Variants in ST18 observed in about 807,000 individuals in gnomAD.
ST18 encodes suppression of tumorigenicity 18 protein.
ST18 carries 50 observed loss-of-function variants against 110.0 expected under a neutral mutation model. The observed-to-expected ratio is 0.45, with a 90% CI of 0.36 to 0.58. The LOEUF (loss-of-function observed/expected upper bound fraction) is 0.58. Ranked by LOEUF, ST18 falls within the 20% of genes least tolerant of loss-of-function variation. ST18 has a pLI of 0.00. For synonymous variants in ST18, 461 were observed against 452.4 expected (o/e 1.02, Z -0.24); for missense variants, 1,306 against 1,280.1 (o/e 1.02, Z -0.31).
At chr8:52,217,512 C>G (rs117741576) in intron 6 of ST18, among the ~76,000 whole-genome samples, 1,559 of 152,112 alleles carry the variant, frequency 0.01, 9 homozygotes, top group Middle Eastern at 0.045. Context: ...TCGAAAAGGG[C>G]TTAATGTCCC....
At chr8:52,218,727 C>T (rs1335455155) in intron 5 of ST18, among the ~76,000 whole-genome samples, 1 of 151,986 alleles carries the variant, frequency 6.6e-6, no homozygotes, top group African/African-American at 2.4e-5. Context: ...AAGTCCATCA[C>T]ACACATTCAA....
intron 15 of ST18, among the ~76,000 whole-genome samples, chr8:52,158,697 G>T (rs973141472): frequency 1.3e-5 from 2 of 152,184 alleles, no homozygotes; most frequent in Admixed American, 6.5e-5. Flanking sequence ...CACAGAGCAG[G>T]ATGTGCACAC....
chr8:52,252,627 A>G (rs2094367794), intron 2 of ST18, among the ~76,000 whole-genome samples: 1 of 152,064 alleles, frequency 6.6e-6, no homozygotes, highest in Admixed American at 6.6e-5. Context: ...CAAATTTAAA[A>G]TATAAAAGCT....
chr8:52,367,639 G>C (rs1828647521), intron 2 of ST18, among the ~76,000 whole-genome samples: 1 of 152,116 alleles, frequency 6.6e-6, no homozygotes. Flanking sequence ...CCCAAAAGGA[G>C]GGCAATGGTT....
intron 2 of ST18, among the ~76,000 whole-genome samples, chr8:52,381,973 AC>A (rs869081706): frequency 0.023 from 461 of 19,768 alleles, 3 homozygotes; most frequent in South Asian, 0.17. Context: ...GCATTAAAAA[AC>A]AAAAAAAAAC....
At chr8:52,165,895 T>C (rs2062819971) in intron 11 of ST18, among the ~76,000 whole-genome samples, 1 of 152,194 alleles carries the variant, frequency 6.6e-6, no homozygotes, top group African/African-American at 2.4e-5. Context: ...GTGGAAGATG[T>C]AACAGGTCGA....
At chr8:52,241,243 G>T (rs1011901209) in intron 2 of ST18, among the ~76,000 whole-genome samples, 1 of 152,158 alleles carries the variant, frequency 6.6e-6, no homozygotes, top group Admixed American at 6.5e-5. Flanking sequence ...GCTGGAACCT[G>T]GTCAATGCTC....
intron 9 of ST18, among the ~76,000 whole-genome samples, chr8:52,179,847 AT>A (rs1359896852): frequency 1.3e-5 from 2 of 152,080 alleles, no homozygotes; most frequent in African/African-American, 2.4e-5. Context: ...AGTATCTTGT[AT>A]TTTCTTCAAA....
At chr8:52,196,348 C>A (rs2076172479) in intron 8 of ST18, among the ~76,000 whole-genome samples, 1 of 152,184 alleles carries the variant, frequency 6.6e-6, no homozygotes, top group Non-Finnish European at 1.5e-5. Context: ...TCTTCATATT[C>A]TTTTCAAATC....
chr8:52,265,070 A>T (rs1024153128), intron 2 of ST18, among the ~76,000 whole-genome samples: 2 of 152,226 alleles, frequency 1.3e-5, no homozygotes, highest in Non-Finnish European at 2.9e-5. Context: ...TGGAGCTGAG[A>T]ATGACTGGGT....
At chr8:52,173,757 C>T (rs1029836547) in intron 9 of ST18, among the ~76,000 whole-genome samples, 3 of 152,166 alleles carry the variant, frequency 2.0e-5, no homozygotes, top group African/African-American at 4.8e-5. Context: ...CAGTAATATG[C>T]CCCATTCAAG....
At chr8:52,305,978 T>C (rs2095805916) in intron 2 of ST18, among the ~76,000 whole-genome samples, 2 of 152,186 alleles carry the variant, frequency 1.3e-5, no homozygotes, top group African/African-American at 4.8e-5. Flanking sequence ...GAAGTCCTCA[T>C]CCTTCCAATG....
At chr8:52,325,101 C>T (rs1452611047) in intron 2 of ST18, among the ~76,000 whole-genome samples, 1 of 151,972 alleles carries the variant, frequency 6.6e-6, no homozygotes, top group Non-Finnish European at 1.5e-5. Flanking sequence ...AACCAATTTG[C>T]AATGTTCTGA....
chr8:52,147,438 G>T (rs987034418), intron 16 of ST18, among the ~76,000 whole-genome samples: 1 of 151,882 alleles, frequency 6.6e-6, no homozygotes, highest in African/African-American at 2.4e-5. Flanking sequence ...CCTTGCTGAG[G>T]GCACAAAAGT....
chr8:52,297,822 T>A (rs1486872308), intron 2 of ST18, among the ~76,000 whole-genome samples: 1 of 152,238 alleles, frequency 6.6e-6, no homozygotes, highest in Non-Finnish European at 1.5e-5. Context: ...TCTAAATGTC[T>A]ACTATGCATG....
chr8:52,331,733 G>C (rs905893686), intron 2 of ST18, among the ~76,000 whole-genome samples: 4 of 152,152 alleles, frequency 2.6e-5, no homozygotes, highest in African/African-American at 9.7e-5. Context: ...GCATATCAAA[G>C]TGCAAAGTCC....
At chr8:52,348,303 A>G (rs2140286405) in intron 2 of ST18, among the ~76,000 whole-genome samples, 1 of 152,348 alleles carries the variant, frequency 6.6e-6, no homozygotes, top group South Asian at 2.1e-4. Context: ...TTTCAGCCTC[A>G]TTGGAACTAA....
At position 52,243,178 on chromosome 8, in the gene ST18, A is replaced by C. The variant is rs920072487; in HGVS notation, c.-464-13101T>G. On this transcript the variant is annotated intron_variant, in intron 2 of 25. Coordinates refer to ENST00000689386, the MANE Select transcript of ST18 (RefSeq NM_001352837.2). ...AAATATACATGTCTTACAGAGGTAT[A>C]ATGAGTGCTTCTCCAGTCTTTGAAT... 3.3e-5 allele frequency among the ~76,000 whole-genome samples: 5 copies of C among 152,174 alleles called. No individual in the cohort carries two copies. In the East Asian group the frequency reaches 9.6e-4, roughly 29 times the overall value.
rs1167265494 is a variant in ST18, at chr8:52,166,975, G to C, written c.1081C>G (p.Pro361Ala). 1 of 1,608,168 alleles carries C rather than the reference G, an allele frequency of 6.2e-7. No homozygotes were observed. ...GGGCACTTGGTCTCCCTCTTTTCAGGCCTTGGTGAATCTATGGAGAAATTC... is the reference window on the plus strand; with the variant it reads ...GGGCACTTGGTCTCCCTCTTTTCAGCCCTTGGTGAATCTATGGAGAAATTC... ...QIFNNKHSPR[P>A]EKRETKCPIP... Residue 361 changes from proline (P) to alanine (A), a missense_variant, in exon 11 of 26, where the codon CCT (proline) becomes GCT (alanine). Physicochemically the swap from Pro to Ala is conservative, Grantham distance 27. Coordinates refer to ENST00000689386, the MANE Select transcript of ST18 (RefSeq NM_001352837.2).
Sources: allele counts gnomAD v4.1 joint callset (sites outside exome capture counted in the v4.1 genomes callset), GRCh38; gene constraint gnomAD v4.1.1; transcripts MANE v1.5; gene names NCBI Gene and HGNC (gene_info 2026-07-23, HGNC 2026-07-21).